Variants in ALK observed in about 807,000 individuals in gnomAD.
The protein encoded by ALK is ALK receptor tyrosine kinase, also known as ALK tyrosine kinase receptor.
A neutral mutation model predicts 163.1 loss-of-function variants in ALK; 74 were observed. That is an observed-to-expected ratio of 0.45 (90% CI 0.38 to 0.55). The LOEUF is 0.55. ALK is among the 20% of genes least tolerant of loss of function. ALK has a pLI of 0.00. For synonymous variants in ALK, 960 were observed against 843.2 expected, an observed-to-expected ratio of 1.14 and a Z score of -2.40; for missense variants, 2,063 against 2,105.3, an observed-to-expected ratio of 0.98 and a Z score of 0.39.
rs561871520 is a variant in ALK at position 29,305,708 on chromosome 2, G to C, written c.1648-8651C>G. Among the ~76,000 whole-genome samples the C allele has an allele frequency of 5.3e-5, 8 of 152,300 alleles. No homozygotes were observed. The East Asian group carries it at 1.5e-3, about 29-fold the overall frequency. ...ATTTCTATCTGGGTGGCCTACAGCA[G>C]AGGTCCTCAACCTTTCTGACACCAG... is the stretch of plus-strand genomic sequence containing the variant. On this transcript the variant is annotated intron_variant, in intron 8 of 28. Transcript: ENST00000389048.
intron 12 of ALK, among the ~76,000 whole-genome samples, chr2:29,250,591 G>C (rs72790269): frequency 6.6e-6 from 1 of 152,084 alleles, no homozygotes; most frequent in African/African-American, 2.4e-5. Context: ...GCTGGATCTC[G>C]TTCCAGCCTG....
At chr2:29,334,469 C>A (rs1667549396) in intron 5 of ALK, among the ~76,000 whole-genome samples, 1 of 152,166 alleles carries the variant, frequency 6.6e-6, no homozygotes, top group Admixed American at 6.5e-5. Flanking sequence ...TGATTTAGAT[C>A]CCTTGTTCTC....
intron 1 of ALK, among the ~76,000 whole-genome samples, chr2:29,765,914 T>C (rs1680849986): frequency 6.6e-6 from 1 of 152,218 alleles, no homozygotes. Flanking sequence ...TGGAAAGAGA[T>C]GCTAGCAAAT....
chr2:29,513,084 T>G (rs1279445412), intron 4 of ALK, among the ~76,000 whole-genome samples: 3 of 151,508 alleles, frequency 2.0e-5, no homozygotes, highest in Admixed American at 6.6e-5. Flanking sequence ...CCAAGGTAAT[T>G]TATAGATTCA....
intron 3 of ALK, among the ~76,000 whole-genome samples, chr2:29,650,646 G>GTATCTGGA (rs1386213543): frequency 6.6e-6 from 1 of 151,946 alleles, no homozygotes; most frequent in Non-Finnish European, 1.5e-5. Flanking sequence ...CTGTTTTCTG[G>GTATCTGGA]TATCTGGATA....
At chr2:29,746,911 G>A (rs538798377) in intron 1 of ALK, among the ~76,000 whole-genome samples, 2 of 152,314 alleles carry the variant, frequency 1.3e-5, no homozygotes, top group South Asian at 4.1e-4. Context: ...AAGCCATGAG[G>A]ATGTTATGCT....
At chr2:29,583,950 C>G (rs1674798291) in intron 3 of ALK, among the ~76,000 whole-genome samples, 1 of 151,738 alleles carries the variant, frequency 6.6e-6, no homozygotes. Context: ...CTTTCTCCAG[C>G]TCTGCATCTT....
intron 1 of ALK, among the ~76,000 whole-genome samples, chr2:29,890,031 C>T (rs969827143): frequency 6.6e-6 from 1 of 152,150 alleles, no homozygotes; most frequent in African/African-American, 2.4e-5. Context: ...GATTTCCAGG[C>T]CATTTGCACT....
At position 29,209,783 on chromosome 2, in the gene ALK, C is replaced by A. The variant is rs2148155008; in HGVS notation, c.3836+3G>T. Reference sequence around the variant, plus strand: ...CCGGAGGGGTGAGGCAGTCTTTACTCACCTGTAGATGTCTCGGGCCATCCC... The same window carrying A: ...CCGGAGGGGTGAGGCAGTCTTTACTAACCTGTAGATGTCTCGGGCCATCCC... On this transcript the variant is annotated splice_donor_region_variant and intron_variant, in intron 25 of 28. Transcript: ENST00000389048. The A allele has an allele frequency of 6.2e-7, 1 of 1,613,400 alleles. No homozygotes were observed. The highest frequency in any genetic ancestry group is 8.5e-7 in the Non-Finnish European group (1 of 1,179,414).
chr2:29,469,736 T>A (rs934697324), intron 4 of ALK, among the ~76,000 whole-genome samples: 1 of 152,204 alleles, frequency 6.6e-6, no homozygotes, highest in South Asian at 2.1e-4. Context: ...AGTCATTTAG[T>A]CATTCATTGA....
chr2:29,913,235 C>T (rs745440498), intron 1 of ALK, among the ~76,000 whole-genome samples: 11 of 152,104 alleles, frequency 7.2e-5, no homozygotes, highest in Non-Finnish European at 1.5e-4. Context: ...CAACACAAAG[C>T]GAATCTGATA....
At position 29,675,167 on chromosome 2, in the gene ALK, C is replaced by G. The variant is rs1454193165; in HGVS notation, c.952+19683G>C. ...TATAATATGCATACTGTTTAACAAC[C>G]TACATTTTCATTAAACTATATCAAT... On this transcript the variant is annotated intron_variant, in intron 3 of 28. Transcript: ENST00000389048. 4.6e-5 allele frequency among the ~76,000 whole-genome samples: 7 copies of G among 151,868 alleles called. No homozygotes were observed. In the East Asian group the frequency reaches 1.2e-3, roughly 25 times the overall value.
chr2:29,895,345 G>A (rs5018731), intron 1 of ALK, among the ~76,000 whole-genome samples: 71,631 of 152,054 alleles, frequency 0.47, 18,069 homozygotes, highest in Non-Finnish European at 0.56. Context: ...TTTTCATTCC[G>A]AAAGACATTG....
intron 9 of ALK, among the ~76,000 whole-genome samples, chr2:29,278,463 A>C (rs1331481110): frequency 6.6e-6 from 1 of 152,124 alleles, no homozygotes; most frequent in Non-Finnish European, 1.5e-5. Context: ...ACAGCATGAG[A>C]GGCATTTCTG....
chr2:29,198,318 A>G (rs1669074666), intron 26 of ALK, among the ~76,000 whole-genome samples: 1 of 143,902 alleles, frequency 6.9e-6, no homozygotes, highest in East Asian at 2.1e-4. Flanking sequence ...CCCAAATGGA[A>G]CTCTTTCTGT....
At chr2:29,493,140 T>A (rs1671942696) in intron 4 of ALK, among the ~76,000 whole-genome samples, 1 of 152,204 alleles carries the variant, frequency 6.6e-6, no homozygotes, top group Non-Finnish European at 1.5e-5. Context: ...TACTTGAGCG[T>A]CAATAGCAAG....
chr2:29,207,102 TAG>T (rs1669331055), intron 26 of ALK, 67 bp downstream of exon 26: 20 of 1,219,888 alleles, frequency 1.6e-5, no homozygotes, highest in Non-Finnish European at 2.4e-5. Context: ...GCTTAGAGTA[TAG>T]AGTCCTTTGG....
intron 8 of ALK, among the ~76,000 whole-genome samples, chr2:29,299,516 G>T (rs1666305663): frequency 6.6e-6 from 1 of 152,142 alleles, no homozygotes; most frequent in South Asian, 2.1e-4. Flanking sequence ...TAATCATTTT[G>T]AAGCTCAGTT....
At chr2:29,881,212 A>C (rs1161356416) in intron 1 of ALK, among the ~76,000 whole-genome samples, 1 of 152,214 alleles carries the variant, frequency 6.6e-6, no homozygotes, top group Non-Finnish European at 1.5e-5. Context: ...TCCATTTCCA[A>C]AGAGCTGAGC....
Sources: gnomAD v4.1 joint callset for allele counts (sites outside exome capture counted in the v4.1 genomes callset) on GRCh38, gnomAD v4.1.1 for gene constraint, MANE v1.5 for transcripts, NCBI Gene and HGNC (gene_info 2026-07-23, HGNC 2026-07-21) for gene names.